The following SYT16 variants were observed in gnomAD, a reference collection of about 807,000 sequenced individuals.
The protein encoded by SYT16 is synaptotagmin-16.
SYT16 carries 42 observed loss-of-function variants against 61.4 expected under a neutral mutation model. That is an observed-to-expected ratio of 0.68 (90% confidence interval 0.53 to 0.89). SYT16 has a LOEUF of 0.89. SYT16 is among the 40% of genes least tolerant of loss of function. The probability of loss-of-function intolerance (pLI) is 0.00; values close to 1 mark genes in which losing one functional copy is unlikely to be tolerated. For synonymous variants in SYT16, 314 were observed against 302.3 expected (o/e 1.04, Z -0.40); for missense variants, 804 against 807.3 (o/e 1.00, Z 0.05).
intron 1 of SYT16, among the ~76,000 whole-genome samples, chr14:61,966,391 G>T (rs555158913): frequency 2.2e-4 from 33 of 152,068 alleles, no homozygotes; most frequent in African/African-American, 7.5e-4. Context: ...TGATAAGATT[G>T]AACATTATCA....
chr14:61,893,564 T>C (rs1410024104), intron 1 of SYT16, among the ~76,000 whole-genome samples: 1 of 152,254 alleles, frequency 6.6e-6, no homozygotes, highest in Admixed American at 6.5e-5. Flanking sequence ...AATCCAGATT[T>C]AAAAAGCATT....
chr14:61,950,339 G>A (rs979387810), intron 1 of SYT16, among the ~76,000 whole-genome samples: 1 of 152,192 alleles, frequency 6.6e-6, no homozygotes, highest in African/African-American at 2.4e-5. Context: ...TTTTAGATGG[G>A]CCTGTAGTAG....
intron 1 of SYT16, among the ~76,000 whole-genome samples, chr14:61,903,269 T>C (rs1344187435): frequency 6.6e-6 from 1 of 152,162 alleles, no homozygotes; most frequent in African/African-American, 2.4e-5. Flanking sequence ...TATGTCTTTT[T>C]TTTTTTTTAG....
intron 1 of SYT16, among the ~76,000 whole-genome samples, chr14:61,914,438 A>G (rs544695927): frequency 6.6e-6 from 1 of 152,284 alleles, no homozygotes; most frequent in East Asian, 1.9e-4. Context: ...TCCAGTGTTG[A>G]CCTGAAATCC....
chr14:62,010,308 A>G (rs1488224812), intron 3 of SYT16, among the ~76,000 whole-genome samples: 1 of 152,178 alleles, frequency 6.6e-6, no homozygotes, highest in Non-Finnish European at 1.5e-5. Context: ...AAAGCAGGAT[A>G]AGGGGATACA....
chr14:62,099,503 C>G (rs1455896444), intron 7 of SYT16, among the ~76,000 whole-genome samples: 1 of 152,098 alleles, frequency 6.6e-6, no homozygotes, highest in Non-Finnish European at 1.5e-5. Context: ...AACACTGGAA[C>G]AGCAAATGTT....
intron 2 of SYT16, among the ~76,000 whole-genome samples, chr14:61,985,672 A>T (rs1358543001): frequency 6.6e-6 from 1 of 152,154 alleles, no homozygotes; most frequent in African/African-American, 2.4e-5. Context: ...CATTCATTTG[A>T]CATTTTGCAA....
intron 7 of SYT16, among the ~76,000 whole-genome samples, chr14:62,094,603 CTTATT>C (rs569100868): frequency 8.4e-4 from 128 of 152,138 alleles, no homozygotes; most frequent in Non-Finnish European, 1.6e-3. Context: ...AATCCCCAAT[CTTATT>C]TTATTTTATT....
At chr14:61,941,749 T>C (rs1292333981) in intron 1 of SYT16, among the ~76,000 whole-genome samples, 1 of 152,206 alleles carries the variant, frequency 6.6e-6, no homozygotes, top group Non-Finnish European at 1.5e-5. Flanking sequence ...ACCCCATCGC[T>C]ATGACCATAG....
chr14:61,890,668 A>G (rs934584861), intron 1 of SYT16, among the ~76,000 whole-genome samples: 1 of 152,166 alleles, frequency 6.6e-6, no homozygotes, highest in Non-Finnish European at 1.5e-5. Flanking sequence ...GAGGCCACCA[A>G]TGACAGAAAT....
chr14:61,899,277 T>G (rs567871756), intron 1 of SYT16, among the ~76,000 whole-genome samples: 1 of 152,160 alleles, frequency 6.6e-6, no homozygotes, highest in Non-Finnish European at 1.5e-5. Context: ...ATTTGCTCCA[T>G]GTACCCTGAA....
chr14:61,915,847 A>G (rs2140392718), intron 1 of SYT16, among the ~76,000 whole-genome samples: 1 of 152,338 alleles, frequency 6.6e-6, no homozygotes, highest in South Asian at 2.1e-4. Context: ...CTTTACATTA[A>G]AGCATGGATT....
chr14:62,080,482 A>G (rs2056668145), intron 5 of SYT16, among the ~76,000 whole-genome samples: 1 of 152,200 alleles, frequency 6.6e-6, no homozygotes, highest in South Asian at 2.1e-4. Context: ...CCTATGGACA[A>G]TTGCCTGTTG....
chr14:61,840,685 C>G (rs1029598458), intron 1 of SYT16, among the ~76,000 whole-genome samples: 1 of 151,724 alleles, frequency 6.6e-6, no homozygotes, highest in Non-Finnish European at 1.5e-5. Flanking sequence ...ACAGCAGTGA[C>G]AAGGTGGCTG....
At chr14:61,814,185 T>C (rs1409754265) in intron 1 of SYT16, among the ~76,000 whole-genome samples, 1 of 152,230 alleles carries the variant, frequency 6.6e-6, no homozygotes, top group East Asian at 1.9e-4. Flanking sequence ...AGAAAAATGT[T>C]GATCAGGTGT....
chr14:62,098,371 G>A (rs2057333003), intron 7 of SYT16, among the ~76,000 whole-genome samples: 2 of 152,206 alleles, frequency 1.3e-5, no homozygotes, highest in South Asian at 4.1e-4. Context: ...AAAAGTTGCA[G>A]ATAAAGGTCA....
chr14:61,982,444 C>A (rs539757532), intron 2 of SYT16, among the ~76,000 whole-genome samples: 46 of 152,152 alleles, frequency 3.0e-4, no homozygotes, highest in African/African-American at 1.1e-3. Context: ...AGAATGAGAG[C>A]CAAATGAAAG....
intron 1 of SYT16, among the ~76,000 whole-genome samples, chr14:61,844,957 G>T (rs998495928): frequency 6.6e-6 from 1 of 151,570 alleles, no homozygotes; most frequent in African/African-American, 2.4e-5. Context: ...GTTTGAGTAG[G>T]ATTGGTATTG....
chr14:61,930,767 G>A lies in SYT16; in HGVS notation c.-324-39365G>A, dbSNP rs77771756. 4.3e-3 allele frequency among the ~76,000 whole-genome samples: 661 copies of A among 152,104 alleles called. 4 individuals are homozygous for A. The highest frequency in any genetic ancestry group is 0.015 in the African/African-American group (615 of 41,538). On this transcript the variant is annotated intron_variant, in intron 1 of 7. Transcript: ENST00000683842. ...ATGCAAGTGGAAGAGGGAAGCAGACGAAGAGGTCAGAGTAATGTGATATAA... is the reference window on the plus strand; with the variant it reads ...ATGCAAGTGGAAGAGGGAAGCAGACAAAGAGGTCAGAGTAATGTGATATAA...
Sources: gnomAD v4.1 joint callset for allele counts (sites outside exome capture counted in the v4.1 genomes callset) on GRCh38, gnomAD v4.1.1 for gene constraint, MANE v1.5 for transcripts, NCBI Gene and HGNC (gene_info 2026-07-23, HGNC 2026-07-21) for gene names.